GNB1L: variants seen among roughly 807,000 people sequenced by gnomAD.
The protein encoded by GNB1L is guanine nucleotide-binding protein subunit beta-like protein 1.
In GNB1L, 20 loss-of-function variants were observed where a neutral mutation model predicts 29.1. The observed-to-expected ratio is 0.69, with a 90% CI of 0.48 to 1.00. The LOEUF (loss-of-function observed/expected upper bound fraction) is 1.00, where lower values mean the gene tolerates loss of function less well. Among genes scored for constraint, GNB1L ranks in the 50% least tolerant of loss-of-function variants. GNB1L has a pLI of 0.00. For missense variants in GNB1L, 421 were observed against 464.9 expected, an observed-to-expected ratio of 0.91 and a Z score of 0.87; for synonymous variants, 193 against 206.5, an observed-to-expected ratio of 0.93 and a Z score of 0.56.
intron 7 of GNB1L, among the ~76,000 whole-genome samples, chr22:19,791,006 G>C (rs1183190978): frequency 6.6e-6 from 1 of 151,774 alleles, no homozygotes; most frequent in Non-Finnish European, 1.5e-5. Flanking sequence ...CAAGGCAGGA[G>C]GACTGCCTGA....
rs1937526580 is a variant in GNB1L, at chr22:19,816,668, C to T, written c.254+3930G>A. On this transcript the variant is annotated intron_variant, in intron 4 of 7. Transcript: ENST00000329517. This position sits in a 1 kb window ranked among gnomAD's most constrained non-coding sequence, Gnocchi z 4.4. ...CTCACATACATACACACCACACAGG[C>T]ACCTCACACATACACAACTTACATA... Among the ~76,000 whole-genome samples the T allele has an allele frequency of 6.6e-6, 1 of 152,106 alleles. No homozygotes were observed. Among genetic ancestry groups the T allele is most frequent in the Non-Finnish European group, 1.5e-5 (1 of 68,006 alleles).
chr22:19,823,926 A>T (rs549010453), intron 2 of GNB1L, among the ~76,000 whole-genome samples: 1 of 152,338 alleles, frequency 6.6e-6, no homozygotes, highest in South Asian at 2.1e-4. Flanking sequence ...AAGCACACAC[A>T]CAGACAGCAC....
At chr22:19,853,072 G>C (rs1042412510) in intron 2 of GNB1L, among the ~76,000 whole-genome samples, 1 of 152,148 alleles carries the variant, frequency 6.6e-6, no homozygotes, top group Non-Finnish European at 1.5e-5. Flanking sequence ...TTCCCCGACA[G>C]AGCAGTGAGC....
At position 19,851,005 on chromosome 22, in the gene GNB1L, G is replaced by C. The variant is rs1938080982; in HGVS notation, c.-21+3438C>G. 36 of 1,419,454 alleles carry C rather than the reference G, an allele frequency of 2.5e-5. No individual in the cohort carries two copies. In the South Asian group the frequency reaches 4.2e-4, roughly 17 times the overall value. 87.9% of individuals were successfully genotyped at this position (1,419,454 alleles called of 1,614,324 possible). The stretch of plus-strand genomic sequence containing the variant: ...AAGCTCTGCTGGAGTTGGGGGAGCT[G>C]GTTCTGCTCAGCGCAGAGTCCAAAA... On this transcript the variant is annotated intron_variant, in intron 2 of 7. Transcript: ENST00000329517.
At chr22:19,852,253 A>T in intron 2 of GNB1L, 1 of 1,604,140 alleles carries the variant, frequency 6.2e-7, no homozygotes, top group Non-Finnish European at 8.5e-7. Context: ...GGCACCGGCC[A>T]CGAGGCATGC....
At chr22:19,812,696 G>A (rs1056341773) in intron 4 of GNB1L, among the ~76,000 whole-genome samples, 7 of 152,242 alleles carry the variant, frequency 4.6e-5, no homozygotes, top group African/African-American at 1.2e-4. Flanking sequence ...GCTGTCCAGC[G>A]TGGCCCCGGG....
chr22:19,853,067 C>G (rs561653287), intron 2 of GNB1L, among the ~76,000 whole-genome samples: 1 of 152,148 alleles, frequency 6.6e-6, no homozygotes, highest in Non-Finnish European at 1.5e-5. Flanking sequence ...CCTGCTTCCC[C>G]GACAGAGCAG....
intron 5 of GNB1L, 36 bp from the exon 6 acceptor site, chr22:19,806,793 C>T (rs767353641): frequency 1.4e-6 from 2 of 1,426,282 alleles, no homozygotes; most frequent in Admixed American, 3.4e-5. Context: ...TGGGCCGTCG[C>T]CAAGTCGAGT....
chr22:19,852,163 C>T (rs768559016), intron 2 of GNB1L: 39 of 1,613,972 alleles, frequency 2.4e-5, no homozygotes, highest in African/African-American at 4.0e-5. Context: ...CCCCAGGAGA[C>T]GCCTTGTCCA....
At chr22:19,819,013 C>T (rs1213800623) in intron 4 of GNB1L, among the ~76,000 whole-genome samples, 2 of 152,196 alleles carry the variant, frequency 1.3e-5, no homozygotes, top group African/African-American at 2.4e-5. Context: ...GGCCTACCTC[C>T]GGCCTGGTGT....
intron 2 of GNB1L, among the ~76,000 whole-genome samples, chr22:19,853,079 G>A (rs897673191): frequency 2.0e-5 from 3 of 152,114 alleles, no homozygotes; most frequent in Non-Finnish European, 4.4e-5. Flanking sequence ...ACAGAGCAGT[G>A]AGCCTGCTAT....
intron 2 of GNB1L, among the ~76,000 whole-genome samples, chr22:19,839,149 T>C (rs983417852): frequency 3.3e-5 from 5 of 152,216 alleles, no homozygotes; most frequent in Non-Finnish European, 4.4e-5. Context: ...AGGGGATCAC[T>C]GCCAAAGGGC....
At chr22:19,853,207 C>A (rs973393109) in intron 2 of GNB1L, among the ~76,000 whole-genome samples, 4 of 152,128 alleles carry the variant, frequency 2.6e-5, no homozygotes, top group Non-Finnish European at 5.9e-5. Context: ...CCCATCCCAG[C>A]CACAGCAGAG....
At chr22:19,846,648 G>T in intron 2 of GNB1L, 1 of 792,286 alleles carries the variant, frequency 1.3e-6, no homozygotes, top group Non-Finnish European at 1.5e-6. Flanking sequence ...TGAAGACAGG[G>T]TCTTTAAAGA....
In GNB1L at chr22:19,816,155, C is replaced by G. The variant is rs1937522862; in HGVS notation, c.255-3708G>C. Among the ~76,000 whole-genome samples, 1 of 152,324 alleles carries G rather than the reference C, an allele frequency of 6.6e-6. No homozygotes were observed. Among genetic ancestry groups the G allele is most frequent in the Non-Finnish European group, 1.5e-5 (1 of 68,012 alleles). On this transcript the variant is annotated intron_variant, in intron 4 of 7. Transcript: ENST00000329517. This position sits in a 1 kb window ranked among gnomAD's most constrained non-coding sequence, Gnocchi z 4.4. ...TGCATGGCCCCTTCTCTCTCCCTGT[C>G]TCTGCCTCTCTCTCATGTCTTTGCA...
rs58294027 is a variant in GNB1L at position 19,805,505 on chromosome 22, G to A, written c.516+1154C>T. On this transcript the variant is annotated intron_variant, in intron 6 of 7. Coordinates refer to ENST00000329517, the MANE Select transcript of GNB1L (RefSeq NM_053004.3). ...AACAGAAAAGGAGGGTGCCTGGGCC[G>A]GGCGCGGTGGCTCACGCCTGTAATC... Among the ~76,000 whole-genome samples the A allele has an allele frequency of 9.8e-3, 1,486 of 152,332 alleles. 23 individuals are homozygous for A. Among genetic ancestry groups the A allele is most frequent in the African/African-American group, 0.033 (1,373 of 41,568 alleles).
intron 2 of GNB1L, among the ~76,000 whole-genome samples, chr22:19,844,247 C>G (rs533243199): frequency 1.3e-5 from 2 of 152,246 alleles, no homozygotes; most frequent in Admixed American, 6.5e-5. Context: ...GATTCGTTCC[C>G]GAGCAGAGAC....
At chr22:19,804,188 C>T (rs1937406772) in intron 6 of GNB1L, among the ~76,000 whole-genome samples, 1 of 152,260 alleles carries the variant, frequency 6.6e-6, no homozygotes, top group African/African-American at 2.4e-5. Context: ...CACTTCGGTG[C>T]CCACAGCCTT....
At chr22:19,828,472 T>C (rs917665273) in intron 2 of GNB1L, among the ~76,000 whole-genome samples, 17 of 152,154 alleles carry the variant, frequency 1.1e-4, no homozygotes, top group African/African-American at 2.6e-4. Context: ...CTGAGCAACA[T>C]AGTCAGATTC....
Sources: gnomAD v4.1 joint callset for allele counts (sites outside exome capture counted in the v4.1 genomes callset) on GRCh38, gnomAD v4.1.1 for gene constraint, Gnocchi (gnomAD v3.1) non-coding constraint, MANE v1.5 for transcripts, NCBI Gene and HGNC (gene_info 2026-07-23, HGNC 2026-07-21) for gene names.